The following DACH1 variants were observed in gnomAD, a reference collection of about 807,000 sequenced individuals.
DACH1 encodes the protein dachshund homolog 1.
Under a neutral mutation model 54.2 loss-of-function variants are expected in DACH1, and 12 were observed. The ratio of observed to expected loss-of-function variants is 0.22; its 90% CI spans 0.14 to 0.36. DACH1 has a LOEUF of 0.36. Ranked by LOEUF, DACH1 falls within the 10% of genes least tolerant of loss-of-function variation. DACH1 has a pLI of 1.00. For synonymous variants in DACH1, 386 were observed against 366.2 expected, an observed-to-expected ratio of 1.05 and a Z score of -0.62; for missense variants, 805 against 929.8, an observed-to-expected ratio of 0.87 and a Z score of 1.75.
intron 3 of DACH1, among the ~76,000 whole-genome samples, chr13:71,622,043 A>T (rs1876286784): frequency 6.6e-6 from 1 of 151,124 alleles, no homozygotes; most frequent in South Asian, 2.1e-4. Flanking sequence ...AAGAGCACGC[A>T]AAACTATGTG....
At chr13:71,598,503 T>C (rs1284122295) in intron 3 of DACH1, among the ~76,000 whole-genome samples, 2 of 152,160 alleles carry the variant, frequency 1.3e-5, no homozygotes, top group Admixed American at 6.5e-5. Context: ...TCCACCCACC[T>C]CAGCCTCCCA....
At chr13:71,690,556 C>T (rs1043186299) in intron 1 of DACH1, among the ~76,000 whole-genome samples, 3 of 152,130 alleles carry the variant, frequency 2.0e-5, no homozygotes, top group South Asian at 4.1e-4. Context: ...TTTGGGAAAA[C>T]GTTAATACTA....
intron 4 of DACH1, among the ~76,000 whole-genome samples, chr13:71,562,234 A>G (rs1474658802): frequency 1.3e-5 from 2 of 152,158 alleles, no homozygotes; most frequent in African/African-American, 4.8e-5. Flanking sequence ...GGGGTTAACA[A>G]TTAAGTGTTT....
At chr13:71,646,295 C>T (rs575333300) in intron 2 of DACH1, among the ~76,000 whole-genome samples, 1 of 151,532 alleles carries the variant, frequency 6.6e-6, no homozygotes, top group Non-Finnish European at 1.5e-5. Flanking sequence ...CGAGACTGCG[C>T]CATTGCACTC....
At chr13:71,543,143 T>C (rs1014439502) in intron 6 of DACH1, among the ~76,000 whole-genome samples, 1 of 152,156 alleles carries the variant, frequency 6.6e-6, no homozygotes, top group Non-Finnish European at 1.5e-5. Flanking sequence ...TCTGTGTTTA[T>C]GGTATGTGAA....
chr13:71,817,496 AC>A (rs1356311391), intron 1 of DACH1, among the ~76,000 whole-genome samples: 12 of 152,244 alleles, frequency 7.9e-5, no homozygotes, highest in African/African-American at 2.7e-4. Flanking sequence ...CTAGGGACAC[AC>A]CAGGGAACTA....
chr13:71,818,295 T>C (rs1326152373), intron 1 of DACH1, among the ~76,000 whole-genome samples: 2 of 152,160 alleles, frequency 1.3e-5, no homozygotes, highest in African/African-American at 4.8e-5. Flanking sequence ...GGTGCAAGTG[T>C]GCTTTCACTA....
chr13:71,765,586 T>A (rs1376341649), intron 1 of DACH1, among the ~76,000 whole-genome samples: 1 of 152,188 alleles, frequency 6.6e-6, no homozygotes, highest in African/African-American at 2.4e-5. Flanking sequence ...AACACAAGAA[T>A]AAATGAGAGC....
chr13:71,535,027 C>T (rs765590003), intron 6 of DACH1, among the ~76,000 whole-genome samples: 5 of 151,738 alleles, frequency 3.3e-5, no homozygotes, highest in Non-Finnish European at 5.9e-5. Context: ...GACTCTTTAA[C>T]TCCCAGAATA....
chr13:71,753,831 A>G (rs988361229), intron 1 of DACH1, among the ~76,000 whole-genome samples: 1 of 152,222 alleles, frequency 6.6e-6, no homozygotes, highest in Non-Finnish European at 1.5e-5. Context: ...CAAGAGCTGT[A>G]AACTACTATA....
At chr13:71,458,944 T>C (rs1186265602) in intron 10 of DACH1, among the ~76,000 whole-genome samples, 3 of 151,896 alleles carry the variant, frequency 2.0e-5, no homozygotes, top group Non-Finnish European at 4.4e-5. Flanking sequence ...TCTTTTGTTT[T>C]GTTTTTGTTT....
chr13:71,499,810 T>C (rs769230959), intron 6 of DACH1, among the ~76,000 whole-genome samples: 21 of 152,146 alleles, frequency 1.4e-4, no homozygotes, highest in African/African-American at 3.6e-4. Context: ...TGCCTACAGA[T>C]AGATTCTTCC....
chr13:71,766,061 T>C (rs979398205), intron 1 of DACH1, among the ~76,000 whole-genome samples: 17 of 152,216 alleles, frequency 1.1e-4, no homozygotes, highest in African/African-American at 4.1e-4. Flanking sequence ...TAATTTTTTG[T>C]ATTTTTAGTA....
intron 1 of DACH1, among the ~76,000 whole-genome samples, chr13:71,727,437 C>T (rs1005389107): frequency 2.6e-5 from 4 of 152,056 alleles, no homozygotes; most frequent in African/African-American, 4.8e-5. Context: ...TCTATTATTT[C>T]GCCTGTCTTC....
chr13:71,780,337 AAAT>A (rs1478346401), intron 1 of DACH1, among the ~76,000 whole-genome samples: 3 of 152,292 alleles, frequency 2.0e-5, no homozygotes, highest in Middle Eastern at 3.4e-3. Context: ...GTGATCAATC[AAAT>A]AATAACATTA....
At chr13:71,643,469 T>G (rs1878048601) in intron 2 of DACH1, among the ~76,000 whole-genome samples, 1 of 152,178 alleles carries the variant, frequency 6.6e-6, no homozygotes, top group African/African-American at 2.4e-5. Flanking sequence ...TAAACAGCAT[T>G]CATCTTTTCA....
chr13:71,583,966 C>G lies in DACH1; in HGVS notation c.1127-10954G>C, dbSNP rs528303908. Reference sequence around the variant, plus strand: ...TATTTTCTTTGTAATCTCAAACTGTCTTAAATAATTTTAATATTTCCTCCA... The same window carrying G: ...TATTTTCTTTGTAATCTCAAACTGTGTTAAATAATTTTAATATTTCCTCCA... On this transcript the variant is annotated intron_variant, in intron 3 of 10. Coordinates refer to ENST00000613252, the MANE Select transcript of DACH1 (RefSeq NM_080759.6). Among the ~76,000 whole-genome samples the G allele has an allele frequency of 2.0e-5, 3 of 152,232 alleles. No homozygotes were observed. The East Asian group carries it at 5.8e-4, about 29-fold the overall frequency.
intron 1 of DACH1, among the ~76,000 whole-genome samples, chr13:71,776,226 T>C (rs1038662378): frequency 2.6e-5 from 4 of 152,124 alleles, no homozygotes; most frequent in South Asian, 4.1e-4. Context: ...AAATAGTCCA[T>C]AGTAAAATGT....
At chr13:71,746,930 A>G (rs1035757219) in intron 1 of DACH1, among the ~76,000 whole-genome samples, 7 of 152,316 alleles carry the variant, frequency 4.6e-5, no homozygotes, top group East Asian at 3.9e-4. Context: ...TTGATAGAGT[A>G]CACATTTCTG....
Sources: allele counts gnomAD v4.1 joint callset (sites outside exome capture counted in the v4.1 genomes callset), GRCh38; gene constraint gnomAD v4.1.1; transcripts MANE v1.5; gene names NCBI Gene and HGNC (gene_info 2026-07-23, HGNC 2026-07-21).